DCAF6: variants seen among roughly 807,000 people sequenced by gnomAD.
The protein encoded by DCAF6 is DDB1- and CUL4-associated factor 6.
DCAF6 carries 54 observed loss-of-function variants against 125.1 expected under a neutral mutation model. The observed-to-expected ratio is 0.43, with a 90% confidence interval of 0.35 to 0.54. The LOEUF is 0.54. Among genes scored for constraint, DCAF6 ranks in the 20% least tolerant of loss-of-function variants. DCAF6 has a pLI of 0.01. For missense variants in DCAF6, 934 were observed against 1,161.7 expected (o/e 0.80, Z 2.85); for synonymous variants, 371 against 390.4 (o/e 0.95, Z 0.58).
At chr1:167,953,648 T>C (rs147741049) in intron 2 of DCAF6, among the ~76,000 whole-genome samples, 1 of 152,328 alleles carries the variant, frequency 6.6e-6, no homozygotes, top group East Asian at 1.9e-4. Context: ...TCACCAAGGC[T>C]GGAGTGAGTG....
chr1:167,983,822 T>A (rs998309089), intron 4 of DCAF6, among the ~76,000 whole-genome samples: 1 of 152,216 alleles, frequency 6.6e-6, no homozygotes. Context: ...TTGCTGTTGA[T>A]TATTTTTGAC....
the DCAF6 span, among the ~76,000 whole-genome samples, chr1:167,912,050 G>T: frequency 3.3e-5 from 5 of 152,188 alleles, no homozygotes; most frequent in African/African-American, 1.2e-4. Flanking sequence ...TATTTTTGAA[G>T]ATATAGTTTT....
intron 4 of DCAF6, among the ~76,000 whole-genome samples, chr1:167,986,713 A>G (rs890539212): frequency 1.3e-5 from 2 of 152,170 alleles, no homozygotes; most frequent in Admixed American, 6.5e-5. Context: ...GGTGGAGCTC[A>G]GGTGGTAATG....
At chr1:167,941,287 G>T (rs1292449572) in intron 1 of DCAF6, among the ~76,000 whole-genome samples, 1 of 152,096 alleles carries the variant, frequency 6.6e-6, no homozygotes. Context: ...GACACCAAAG[G>T]CATATAAGTA....
At chr1:167,923,287 A>C in the DCAF6 span, among the ~76,000 whole-genome samples, 154 of 152,350 alleles carry the variant, frequency 1.0e-3, 3 homozygotes, top group East Asian at 0.025. Flanking sequence ...AAAATGTGGA[A>C]GCAAACCAAT....
intron 13 of DCAF6, chr1:168,042,585 C>G (rs1688676946): frequency 6.5e-6 from 1 of 154,038 alleles, no homozygotes; most frequent in Non-Finnish European, 1.4e-5. Context: ...GACCAAAGAA[C>G]TGGCCAGGCT....
At chr1:167,944,526 A>G (rs778081523) in intron 1 of DCAF6, among the ~76,000 whole-genome samples, 1 of 152,150 alleles carries the variant, frequency 6.6e-6, no homozygotes, top group Non-Finnish European at 1.5e-5. Flanking sequence ...GTGATATCTC[A>G]TTGTGAATTT....
At chr1:167,953,721 C>G (rs1674341220) in intron 2 of DCAF6, among the ~76,000 whole-genome samples, 1 of 151,920 alleles carries the variant, frequency 6.6e-6, no homozygotes, top group African/African-American at 2.4e-5. Flanking sequence ...GCTGCAGCCT[C>G]CCGAGTAGCT....
chr1:167,878,353 TG>T, the DCAF6 span: 1 of 1,426,958 alleles, frequency 7.0e-7, no homozygotes, highest in Non-Finnish European at 9.8e-7. Flanking sequence ...CTTTTTGAAC[TG>T]GCTCCAAATC....
chr1:167,927,786 C>G, the DCAF6 span, among the ~76,000 whole-genome samples: 1 of 151,866 alleles, frequency 6.6e-6, no homozygotes, highest in African/African-American at 2.4e-5. Flanking sequence ...CCCCACCAAA[C>G]CAAACAACTG....
At chr1:167,920,166 A>C in the DCAF6 span, 1 of 882,162 alleles carries the variant, frequency 1.1e-6, no homozygotes, top group African/African-American at 1.7e-5. Flanking sequence ...ATATTGAGTA[A>C]AGTAATTACA....
At chr1:167,933,012 T>C (rs1670955104), upstream of DCAF6, among the ~76,000 whole-genome samples, 1 of 151,928 alleles carries the variant, frequency 6.6e-6, no homozygotes, top group South Asian at 2.1e-4. Context: ...AGGACACACA[T>C]TTGGCTAGAA....
At chr1:167,887,796 G>C in the DCAF6 span, among the ~76,000 whole-genome samples, 1 of 150,172 alleles carries the variant, frequency 6.7e-6, no homozygotes, top group South Asian at 2.1e-4. Context: ...AAAAACACTT[G>C]ATGTTATCCC....
intron 4 of DCAF6, among the ~76,000 whole-genome samples, chr1:167,981,368 T>G (rs1679100089): frequency 6.6e-6 from 1 of 152,204 alleles, no homozygotes; most frequent in Admixed American, 6.5e-5. Flanking sequence ...CTTTATGGAT[T>G]CATTTTTTTC....
At chr1:167,877,835 A>C in the DCAF6 span, among the ~76,000 whole-genome samples, 1 of 152,180 alleles carries the variant, frequency 6.6e-6, no homozygotes, top group African/African-American at 2.4e-5. Flanking sequence ...GACCAGGATT[A>C]GGTGGGTGCT....
intron 11 of DCAF6, among the ~76,000 whole-genome samples, chr1:168,019,085 G>T (rs1156874181): frequency 2.0e-5 from 3 of 149,402 alleles, no homozygotes; most frequent in Non-Finnish European, 4.4e-5. Flanking sequence ...GTCTCGCTTT[G>T]TCGCCCAAGC....
the DCAF6 span, among the ~76,000 whole-genome samples, chr1:167,908,913 A>T: frequency 6.6e-6 from 1 of 152,234 alleles, no homozygotes; most frequent in Non-Finnish European, 1.5e-5. Flanking sequence ...AAAAACTTTT[A>T]TTGAAGCATA....
At chr1:167,879,314 T>C in the DCAF6 span, among the ~76,000 whole-genome samples, 6 of 152,336 alleles carry the variant, frequency 3.9e-5, no homozygotes, top group African/African-American at 1.4e-4. Context: ...CGTTTATCAC[T>C]TTCAACAGCA....
chr1:168,042,050 T>C (rs1688611829), intron 13 of DCAF6, among the ~76,000 whole-genome samples: 1 of 151,998 alleles, frequency 6.6e-6, no homozygotes, highest in African/African-American at 2.4e-5. Context: ...TATACAGTTT[T>C]AGTTAAATAA....
Sources: gnomAD v4.1 joint callset for allele counts (sites outside exome capture counted in the v4.1 genomes callset) on GRCh38, gnomAD v4.1.1 for gene constraint, MANE v1.5 for transcripts, NCBI Gene and HGNC (gene_info 2026-07-23, HGNC 2026-07-21) for gene names.